The following ARL9 variants were observed in gnomAD, a reference collection of about 807,000 sequenced individuals.
The protein encoded by ARL9 is ADP-ribosylation factor-like protein 9.
A neutral mutation model predicts 27.0 loss-of-function variants in ARL9; 14 were observed. The ratio of observed to expected loss-of-function variants is 0.52; its 90% CI spans 0.34 to 0.81. The LOEUF (loss-of-function observed/expected upper bound fraction) is 0.81, where lower values mean the gene tolerates loss of function less well. ARL9 is among the 30% of genes least tolerant of loss of function. The probability of loss-of-function intolerance (pLI) is 0.01; values close to 1 mark genes in which losing one functional copy is unlikely to be tolerated. For missense variants in ARL9, 294 were observed against 290.0 expected, an observed-to-expected ratio of 1.01 and a Z score of -0.10; for synonymous variants, 106 against 108.7, an observed-to-expected ratio of 0.98 and a Z score of 0.15.
chr4:56,511,250 T>G lies in ARL9; in HGVS notation c.345T>G (p.Ser115=). The G allele has an allele frequency of 6.2e-7, 1 of 1,613,858 alleles. No homozygotes were observed. The highest frequency in any genetic ancestry group is 1.1e-5 in the South Asian group (1 of 91,038). ...DGAGKTSVLH[S]LASNRVQHSV... ...CAGGAAAAACCAGTGTCCTGCACTC[T>G]CTAGCTTCAAACAGAGTCCAGCACA... The change falls in exon 2 of 4, where the codon TCT becomes TCG. Residue 115 remains serine (S), a synonymous_variant. Coordinates refer to ENST00000640821, the MANE Select transcript of ARL9 (RefSeq NM_001363794.2).
chr4:56,523,045 T>C (rs1721970460), intron 3 of ARL9, among the ~76,000 whole-genome samples: 1 of 152,162 alleles, frequency 6.6e-6, no homozygotes, highest in Non-Finnish European at 1.5e-5. Context: ...TAAATAAAAA[T>C]AATTGCTCCT....
At chr4:56,513,630 A>G (rs912446033) in intron 2 of ARL9, among the ~76,000 whole-genome samples, 4 of 152,104 alleles carry the variant, frequency 2.6e-5, no homozygotes, top group African/African-American at 9.7e-5. Flanking sequence ...AAATAAAACA[A>G]CTCATGAGTT....
At position 56,506,708 on chromosome 4, in the gene ARL9, T is replaced by G. The variant is rs1197904770; in HGVS notation, c.279+567T>G. 4.1e-6 allele frequency: 4 copies of G among 985,010 alleles called. No homozygotes were observed. The African/African-American group carries it at 7.0e-5, about 17-fold the overall frequency. The allele number at this position is 985,010 out of a possible 1,614,324, so 61.0% of individuals were successfully genotyped here. A position where few individuals can be genotyped will look rare whatever the true frequency, so the allele number is the denominator to read the frequency against. ...ATTTGGGTCAGCTGAATGGTCTCTG[T>G]GCTCCTGGAGTTCCTGAGCTGGCTC... On this transcript the variant is annotated intron_variant, in intron 1 of 3. Transcript: ENST00000640821.
In ARL9 at chr4:56,506,644, G is replaced by A. The variant is rs887436193; in HGVS notation, c.279+503G>A. ...ACCACCAGTACCATGAATGGATGGC[G>A]GAAAAGTTTTAACTGACAGGTCTTA... is the stretch of plus-strand genomic sequence containing the variant. On this transcript the variant is annotated intron_variant, in intron 1 of 3. Transcript: ENST00000640821. 52 of 985,396 alleles carry A rather than the reference G, an allele frequency of 5.3e-5. No individual in the cohort carries two copies. In the African/African-American group the frequency reaches 8.7e-4, roughly 17 times the overall value. 61.0% of individuals were successfully genotyped at this position (985,396 alleles called of 1,614,324 possible). A position where few individuals can be genotyped will look rare whatever the true frequency, so the allele number is the denominator to read the frequency against.
chr4:56,510,775 T>C (rs1218519545), intron 1 of ARL9, among the ~76,000 whole-genome samples: 1 of 46,774 alleles, frequency 2.1e-5, no homozygotes, highest in Non-Finnish European at 5.2e-5. Flanking sequence ...GTTTTATCCC[T>C]TTTTTTTTTT....
Position 56,524,326 on chromosome 4 carries a change from T to G in ARL9, c.*450T>G, listed in dbSNP as rs1035601574. 1 of 155,050 alleles carries G rather than the reference T, an allele frequency of 6.4e-6. No individual in the cohort carries two copies. The highest frequency in any genetic ancestry group is 1.4e-5 in the Non-Finnish European group (1 of 69,958). 9.6% of individuals were successfully genotyped at this position (155,050 alleles called of 1,614,324 possible). A position where few individuals can be genotyped will look rare whatever the true frequency, so the allele number is the denominator to read the frequency against. On this transcript the variant is annotated 3_prime_UTR_variant, in exon 4 of 4. Transcript: ENST00000640821. The stretch of plus-strand genomic sequence containing the variant: ...CTCCCTGAGAATACCAACGGACAAC[T>G]GTACAAAGATAATGCTAACATAATA...
rs987859539 is a variant in ARL9, at chr4:56,520,463, T to C, written c.618+1610T>C. Among the ~76,000 whole-genome samples the C allele has an allele frequency of 5.9e-5, 9 of 152,202 alleles. No homozygotes were observed. The South Asian group carries it at 6.2e-4, about 10-fold the overall frequency. ...GAGGTACCTAGAGTTGTCAGATTCA[T>C]AGAAATAGAAAGTGGAGTGGTGATT... On this transcript the variant is annotated intron_variant, in intron 3 of 3. Transcript: ENST00000640821.
intron 3 of ARL9, among the ~76,000 whole-genome samples, chr4:56,521,446 G>T (rs1721914744): frequency 6.6e-6 from 1 of 152,114 alleles, no homozygotes; most frequent in South Asian, 2.1e-4. Context: ...CTTCATGTAT[G>T]TGTCCCTTTG....
At chr4:56,518,029 G>A (rs1044608417) in intron 2 of ARL9, among the ~76,000 whole-genome samples, 2 of 151,226 alleles carry the variant, frequency 1.3e-5, no homozygotes, top group Admixed American at 1.3e-4. Context: ...TAGATAGATG[G>A]GGGTCTCACT....
intron 1 of ARL9, among the ~76,000 whole-genome samples, chr4:56,509,130 G>A (rs1721550003): frequency 6.6e-6 from 1 of 151,876 alleles, no homozygotes; most frequent in African/African-American, 2.4e-5. Flanking sequence ...CTGCCCTTCT[G>A]TCCCTCAGTC....
chr4:56,520,303 A>G (rs937295513), intron 3 of ARL9, among the ~76,000 whole-genome samples: 1 of 152,096 alleles, frequency 6.6e-6, no homozygotes. Context: ...GCACCTGGCT[A>G]CAATGGGATC....
At chr4:56,519,354 G>A (rs1721853855) in intron 3 of ARL9, among the ~76,000 whole-genome samples, 1 of 152,184 alleles carries the variant, frequency 6.6e-6, no homozygotes, top group Non-Finnish European at 1.5e-5. Context: ...GCTCACGCCT[G>A]TAATCCCAGC....
intron 2 of ARL9, 118 bp downstream of exon 2, chr4:56,511,465 CT>C: frequency 8.7e-7 from 1 of 1,155,950 alleles, no homozygotes; most frequent in Non-Finnish European, 1.2e-6. Context: ...TTTTCCTAGA[CT>C]TTTAGAATGG....
At chr4:56,521,361 T>C (rs928844214) in intron 3 of ARL9, among the ~76,000 whole-genome samples, 1 of 152,194 alleles carries the variant, frequency 6.6e-6, no homozygotes, top group Non-Finnish European at 1.5e-5. Context: ...TACCAAAATG[T>C]TATCATTTTC....
chr4:56,519,550 C>T (rs190287941), intron 3 of ARL9, among the ~76,000 whole-genome samples: 37 of 151,984 alleles, frequency 2.4e-4, no homozygotes, highest in Admixed American at 9.8e-4. Flanking sequence ...GCGGAGATTG[C>T]AGCGAACCAA....
intron 1 of ARL9, among the ~76,000 whole-genome samples, chr4:56,508,190 C>T (rs1236286495): frequency 6.6e-6 from 1 of 150,732 alleles, no homozygotes; most frequent in Admixed American, 6.6e-5. Context: ...TTAAAACATG[C>T]AATTTTAAGC....
Position 56,524,043 on chromosome 4 carries a change from G to A in ARL9, c.*167G>A. The A allele has an allele frequency of 1.9e-6, 1 of 514,926 alleles. No individual in the cohort carries two copies. The allele number at this position is 514,926 out of a possible 1,614,324, so 31.9% of individuals were successfully genotyped here. ...TCCATATCCATGGGTTCCACATCTG[G>A]GGATTCAAGAACTGTGGATCCAAAA... On this transcript the variant is annotated 3_prime_UTR_variant, in exon 4 of 4. Transcript: ENST00000640821.
intron 2 of ARL9, among the ~76,000 whole-genome samples, chr4:56,512,810 C>A (rs1038317863): frequency 3.9e-5 from 6 of 152,082 alleles, no homozygotes; most frequent in African/African-American, 1.4e-4. Context: ...CCAAAGTACT[C>A]AGATTCAGGT....
Position 56,511,351 on chromosome 4 carries a change from A to C in ARL9, c.442+4A>C. ...AGCCAGATGGAGTTCCTGGAGAGTAAGCTCTCTGTTCCTTAGTTATAAGAT... is the reference window on the plus strand; with the variant it reads ...AGCCAGATGGAGTTCCTGGAGAGTACGCTCTCTGTTCCTTAGTTATAAGAT... On this transcript the variant is annotated splice_donor_region_variant and intron_variant, in intron 2 of 3. Transcript: ENST00000640821. The C allele has an allele frequency of 6.2e-7, 1 of 1,610,742 alleles. No individual in the cohort carries two copies. The highest frequency in any genetic ancestry group is 8.5e-7 in the Non-Finnish European group (1 of 1,178,342).
Sources: gnomAD v4.1 joint callset for allele counts (sites outside exome capture counted in the v4.1 genomes callset) on GRCh38, gnomAD v4.1.1 for gene constraint, MANE v1.5 for transcripts, NCBI Gene and HGNC (gene_info 2026-07-23, HGNC 2026-07-21) for gene names.